SHANK2: variants seen among roughly 807,000 people sequenced by gnomAD.
The protein encoded by SHANK2 is SH3 and multiple ankyrin repeat domains 2, also known as SH3 and multiple ankyrin repeat domains protein 2.
In SHANK2, 43 loss-of-function variants were observed where a neutral mutation model predicts 133.7. That is an observed-to-expected ratio of 0.32 (90% CI 0.25 to 0.41). SHANK2 has a LOEUF of 0.41. Among genes scored for constraint, SHANK2 ranks in the 10% least tolerant of loss-of-function variants. The pLI is 1.00. For synonymous variants in SHANK2, 1,017 were observed against 952.8 expected (o/e 1.07, Z -1.24); for missense variants, 1,994 against 2,235.8 (o/e 0.89, Z 2.18).
chr11:71,200,343 C>A (rs1388704129), intron 2 of SHANK2, among the ~76,000 whole-genome samples: 1 of 152,230 alleles, frequency 6.6e-6, no homozygotes, highest in African/African-American at 2.4e-5. Context: ...GGGTACACCA[C>A]ACTGTTTATT....
intron 17 of SHANK2, chr11:70,633,402 C>G (rs1034338400): frequency 2.0e-5 from 3 of 151,960 alleles, no homozygotes; most frequent in Admixed American, 2.0e-4. Flanking sequence ...CCTACTTCAT[C>G]CCTCAACAAC....
intron 14 of SHANK2, among the ~76,000 whole-genome samples, chr11:70,752,661 G>A (rs1218185010): frequency 2.1e-5 from 3 of 139,696 alleles, no homozygotes; most frequent in African/African-American, 2.7e-5. Flanking sequence ...AGCCGAAATC[G>A]CGCCACTGCA....
chr11:71,199,920 T>C (rs1302826137), intron 2 of SHANK2, among the ~76,000 whole-genome samples: 2 of 152,180 alleles, frequency 1.3e-5, no homozygotes, highest in African/African-American at 2.4e-5. Flanking sequence ...CATTTCCAAA[T>C]AGATTAATCT....
At chr11:70,574,480 T>C (rs2060090809) in intron 17 of SHANK2, among the ~76,000 whole-genome samples, 1 of 152,232 alleles carries the variant, frequency 6.6e-6, no homozygotes, top group Admixed American at 6.5e-5. Context: ...CATTCATTCA[T>C]TCAGTCATTC....
intron 10 of SHANK2, among the ~76,000 whole-genome samples, chr11:70,940,952 G>A (rs2135845520): frequency 6.6e-6 from 1 of 152,296 alleles, no homozygotes; most frequent in African/African-American, 2.4e-5. Context: ...GGGAGATGAT[G>A]ACCACGGGAC....
At chr11:71,165,570 G>A (rs1340834983) in intron 2 of SHANK2, among the ~76,000 whole-genome samples, 2 of 152,062 alleles carry the variant, frequency 1.3e-5, no homozygotes, top group Non-Finnish European at 2.9e-5. Context: ...GGCTGTTGTC[G>A]CTTCTCTCTG....
intron 2 of SHANK2, among the ~76,000 whole-genome samples, chr11:71,220,339 A>G (rs999886710): frequency 7.2e-5 from 11 of 152,214 alleles, no homozygotes; most frequent in African/African-American, 2.7e-4. Context: ...AATGTAAAAT[A>G]GTATAACCGC....
At chr11:71,131,660 T>C (rs1318766605) in intron 3 of SHANK2, among the ~76,000 whole-genome samples, 36 of 152,156 alleles carry the variant, frequency 2.4e-4, no homozygotes, top group African/African-American at 8.7e-4. Context: ...TTCATAGCCA[T>C]GATTTCAGGC....
Position 70,820,946 on chromosome 11 carries a change from C to T in SHANK2, c.1175-264G>A, listed in dbSNP as rs188633958. Among the ~76,000 whole-genome samples, 24 of 152,194 alleles carry T rather than the reference C, an allele frequency of 1.6e-4. No individual in the cohort carries two copies. In the East Asian group the frequency reaches 4.3e-3, roughly 27 times the overall value. ...AAGCCAGTACTTCGCATGGAAGGGACGTGGGGTCTGAGCTTCCATCTGGCC... is the reference window on the plus strand; with the variant it reads ...AAGCCAGTACTTCGCATGGAAGGGATGTGGGGTCTGAGCTTCCATCTGGCC... On this transcript the variant is annotated intron_variant, in intron 11 of 25. Coordinates refer to ENST00000601538, the MANE Select transcript of SHANK2 (RefSeq NM_012309.5).
At chr11:70,820,882 C>G (rs1948504822) in intron 11 of SHANK2, among the ~76,000 whole-genome samples, 200 bp from the exon 12 acceptor site, 1 of 152,180 alleles carries the variant, frequency 6.6e-6, no homozygotes. Context: ...AGCAGAGAGA[C>G]AGGCTGGGGA....
intron 14 of SHANK2, among the ~76,000 whole-genome samples, chr11:70,717,215 G>C (rs540081029): frequency 2.3e-3 from 344 of 152,250 alleles, no homozygotes; most frequent in Non-Finnish European, 3.6e-3. Flanking sequence ...GGTTAGGAAA[G>C]AACACGCCAG....
intron 10 of SHANK2, among the ~76,000 whole-genome samples, chr11:70,951,683 T>C (rs1398913901): frequency 6.6e-6 from 1 of 152,186 alleles, no homozygotes; most frequent in Admixed American, 6.6e-5. Flanking sequence ...CATCATAAAG[T>C]GGGTGGCTTA....
intron 15 of SHANK2, among the ~76,000 whole-genome samples, chr11:70,684,842 T>C (rs1454134319): frequency 6.6e-6 from 1 of 152,048 alleles, no homozygotes; most frequent in African/African-American, 2.4e-5. Flanking sequence ...ATAGGTCACA[T>C]GCCTCACTCT....
At chr11:71,219,281 A>G (rs552292817) in intron 2 of SHANK2, among the ~76,000 whole-genome samples, 1 of 152,174 alleles carries the variant, frequency 6.6e-6, no homozygotes, top group Non-Finnish European at 1.5e-5. Context: ...GCCACACACA[A>G]CGTGGAAAGA....
chr11:70,874,423 G>C (rs1555070799), intron 11 of SHANK2, among the ~76,000 whole-genome samples: 1 of 152,098 alleles, frequency 6.6e-6, no homozygotes, highest in East Asian at 1.9e-4. Context: ...GCTCACTGTA[G>C]CCTACAACTC....
intron 17 of SHANK2, among the ~76,000 whole-genome samples, chr11:70,577,833 A>G (rs1346347616): frequency 6.6e-6 from 1 of 152,222 alleles, no homozygotes; most frequent in Non-Finnish European, 1.5e-5. Context: ...GGGCCTTGAA[A>G]GAGCTGATTA....
At chr11:70,542,335 T>C (rs1388463493) in intron 17 of SHANK2, among the ~76,000 whole-genome samples, 1 of 152,120 alleles carries the variant, frequency 6.6e-6, no homozygotes, top group Non-Finnish European at 1.5e-5. Flanking sequence ...TGAGGCTGTG[T>C]GACGACAGAG....
intron 2 of SHANK2, among the ~76,000 whole-genome samples, chr11:71,183,052 C>G (rs567100309): frequency 4.5e-4 from 69 of 152,288 alleles, no homozygotes; most frequent in Non-Finnish European, 8.5e-4. Context: ...GGTGAGCTCA[C>G]TTGTTAGCCA....
intron 11 of SHANK2, among the ~76,000 whole-genome samples, chr11:70,878,004 C>T (rs927764411): frequency 4.3e-4 from 66 of 152,164 alleles, no homozygotes; most frequent in African/African-American, 1.6e-3. Flanking sequence ...GTGAGTCCGG[C>T]GAAGAATGCA....
Sources: gnomAD v4.1 joint callset for allele counts (sites outside exome capture counted in the v4.1 genomes callset) on GRCh38, gnomAD v4.1.1 for gene constraint, MANE v1.5 for transcripts, NCBI Gene and HGNC (gene_info 2026-07-23, HGNC 2026-07-21) for gene names.